Variants in MPRIP observed in about 807,000 individuals in gnomAD.
The protein encoded by MPRIP is myosin phosphatase Rho-interacting protein.
MPRIP carries 59 observed loss-of-function variants against 234.9 expected under a neutral mutation model. That is an observed-to-expected ratio of 0.25 (90% CI 0.20 to 0.31). The LOEUF (loss-of-function observed/expected upper bound fraction) is 0.31, where lower values mean the gene tolerates loss of function less well. Ranked by LOEUF, MPRIP falls within the 10% of genes least tolerant of loss-of-function variation. The pLI is 1.00. For synonymous variants in MPRIP, 1,144 were observed against 1,263.9 expected, an observed-to-expected ratio of 0.91 and a Z score of 2.01; for missense variants, 2,436 against 3,071.0, an observed-to-expected ratio of 0.79 and a Z score of 4.89.
At chr17:17,134,492 C>T (rs2090656320) in intron 5 of MPRIP, among the ~76,000 whole-genome samples, 1 of 152,198 alleles carries the variant, frequency 6.6e-6, no homozygotes, top group Non-Finnish European at 1.5e-5. Context: ...TGTTTGCTTC[C>T]GAGAAGCTGG....
At chr17:17,077,918 G>C (rs1400992260) in intron 2 of MPRIP, 93 bp from the exon 3 acceptor site, 2 of 1,244,602 alleles carry the variant, frequency 1.6e-6, no homozygotes, top group East Asian at 4.7e-5. Flanking sequence ...ACCTTCCTTA[G>C]ATATGGACTT....
At chr17:17,131,578 A>G in intron 4 of MPRIP, 39 bp from the exon 5 acceptor site, 1 of 1,584,566 alleles carries the variant, frequency 6.3e-7, no homozygotes, top group South Asian at 1.1e-5. Context: ...CCCGAGTGCC[A>G]GGGTCTTACC....
chr17:17,146,401 A>C (rs2045467051), intron 10 of MPRIP, among the ~76,000 whole-genome samples: 1 of 152,120 alleles, frequency 6.6e-6, no homozygotes, highest in Non-Finnish European at 1.5e-5. Context: ...ATCTTTCCTA[A>C]AAGTTGTTTA....
At position 17,164,097 on chromosome 17, in the gene MPRIP, G is replaced by A. The variant is rs2045928678; in HGVS notation, c.2518-12G>A. ...GAGTGTTACTAACCAGTATTTAATC[G>A]GTTTTTTTAAGACTGAAGTGGCCGC... On this transcript the variant is annotated splice_polypyrimidine_tract_variant and intron_variant, in intron 15 of 23. Transcript: ENST00000651222. 2.3e-6 allele frequency: 3 copies of A among 1,303,550 alleles called. No individual in the cohort carries two copies. Among genetic ancestry groups the A allele is most frequent in the Non-Finnish European group, 3.0e-6 (3 of 988,592 alleles). 80.7% of individuals were successfully genotyped at this position (1,303,550 alleles called of 1,614,324 possible).
At chr17:17,084,635 C>T (rs1024981829) in intron 3 of MPRIP, among the ~76,000 whole-genome samples, 7 of 152,202 alleles carry the variant, frequency 4.6e-5, no homozygotes, top group East Asian at 1.9e-4. Context: ...TCAGAGAGGC[C>T]GCTCCACCAG....
chr17:17,077,500 T>C (rs1050749709), intron 2 of MPRIP: 4 of 156,062 alleles, frequency 2.6e-5, no homozygotes, highest in African/African-American at 9.6e-5. Context: ...CAGTGAATTC[T>C]GGAGCCTGGC....
intron 12 of MPRIP, among the ~76,000 whole-genome samples, chr17:17,152,451 A>G (rs1170166475): frequency 6.6e-6 from 1 of 152,244 alleles, no homozygotes; most frequent in South Asian, 2.1e-4. Context: ...GGTAGGGCTT[A>G]TCCTGATGAC....
At chr17:17,070,554 G>A (rs1024428557) in intron 1 of MPRIP, among the ~76,000 whole-genome samples, 2 of 152,022 alleles carry the variant, frequency 1.3e-5, no homozygotes, top group East Asian at 1.9e-4. Context: ...AAGCCCACCC[G>A]GGAGCTTTTA....
intron 19 of MPRIP, among the ~76,000 whole-genome samples, chr17:17,174,343 T>C (rs2046209137): frequency 6.6e-6 from 1 of 152,250 alleles, no homozygotes; most frequent in Admixed American, 6.5e-5. Flanking sequence ...ACATCACTCT[T>C]GCTTTGACCC....
chr17:17,168,147 C>T (rs2046046130), intron 16 of MPRIP: 1 of 344,550 alleles, frequency 2.9e-6, no homozygotes, highest in Non-Finnish European at 5.6e-6. Context: ...CCGCCAGGGT[C>T]CCTGGTGGGA....
intron 16 of MPRIP, 105 bp downstream of exon 16, chr17:17,168,020 C>A: frequency 1.1e-6 from 1 of 897,596 alleles, no homozygotes; most frequent in Non-Finnish European, 1.5e-6. Flanking sequence ...AGGGGATATG[C>A]TGCTGTCCCT....
chr17:17,097,798 T>C (rs2089879451), intron 3 of MPRIP, among the ~76,000 whole-genome samples: 1 of 152,156 alleles, frequency 6.6e-6, no homozygotes, highest in Admixed American at 6.5e-5. Context: ...TTCCTTTCAA[T>C]TTTCCTTTCT....
At chr17:17,084,206 A>G (rs1367730483) in intron 3 of MPRIP, among the ~76,000 whole-genome samples, 6 of 152,224 alleles carry the variant, frequency 3.9e-5, no homozygotes, top group African/African-American at 9.6e-5. Flanking sequence ...ACACTAGGCC[A>G]TGGAAGGCCT....
intron 9 of MPRIP, among the ~76,000 whole-genome samples, chr17:17,144,326 G>T (rs958613704): frequency 5.3e-5 from 8 of 152,248 alleles, no homozygotes; most frequent in Non-Finnish European, 1.2e-4. Flanking sequence ...ACCACAGATT[G>T]ATGTGTAACA....
Position 17,078,187 on chromosome 17 carries a change from T to C in MPRIP, c.267+111T>C. 2 of 1,159,468 alleles carry C rather than the reference T, an allele frequency of 1.7e-6. No individual in the cohort carries two copies. The allele number at this position is 1,159,468 out of a possible 1,614,324, so 71.8% of individuals were successfully genotyped here. On this transcript the variant is annotated intron_variant, in intron 3 of 23. Coordinates refer to ENST00000651222, the MANE Select transcript of MPRIP (RefSeq NM_001364716.4). This position sits in a 1 kb window ranked among gnomAD's most constrained non-coding sequence, Gnocchi z 4.3. ...CAGCAGCCATGTGCTCCTGCTTGTG[T>C]CTGTTTGGGAGTGTGGAATGTTTTG...
In MPRIP at chr17:17,144,972, A is replaced by G. The variant is rs1053824443; in HGVS notation, c.1504-1064A>G. Among the ~76,000 whole-genome samples, 3 of 152,340 alleles carry G rather than the reference A, an allele frequency of 2.0e-5. No homozygotes were observed. In the South Asian group the frequency reaches 6.2e-4, roughly 32 times the overall value. ...CAAGCTTGCAGGAGAGGACCTCCCT[A>G]TTTAAGGGCTACTTGGGGTAGGGTG... is the stretch of plus-strand genomic sequence containing the variant. On this transcript the variant is annotated intron_variant, in intron 9 of 23. Transcript: ENST00000651222.
chr17:17,177,571 C>T (rs770361974), intron 22 of MPRIP, among the ~76,000 whole-genome samples, 159 bp downstream of exon 22: 1 of 152,210 alleles, frequency 6.6e-6, no homozygotes, highest in Admixed American at 6.5e-5. Flanking sequence ...CACACGGCTG[C>T]CCCAGACAGG....
At position 17,185,478 on chromosome 17, in the gene MPRIP, C is replaced by T. The variant is rs549748271; in HGVS notation, c.*584C>T. On this transcript the variant is annotated 3_prime_UTR_variant, in exon 24 of 24. Coordinates refer to ENST00000651222, the MANE Select transcript of MPRIP (RefSeq NM_001364716.4). ...AGCTTAGAACCACACCCCTGAGAGT[C>T]GTGGCAAACCTTTCACAACCTGGAA... is the stretch of plus-strand genomic sequence containing the variant. 17 of 457,190 alleles carry T rather than the reference C, an allele frequency of 3.7e-5. No homozygotes were observed. Among genetic ancestry groups the T allele is most frequent in the East Asian group, 2.1e-4 (3 of 14,402 alleles). The allele number at this position is 457,190 out of a possible 1,614,324, so 28.3% of individuals were successfully genotyped here. A position where few individuals can be genotyped will look rare whatever the true frequency, so the allele number is the denominator to read the frequency against.
At chr17:17,120,636 C>G (rs567653636) in intron 3 of MPRIP, among the ~76,000 whole-genome samples, 3 of 152,306 alleles carry the variant, frequency 2.0e-5, no homozygotes, top group Non-Finnish European at 4.4e-5. Context: ...TATGTGGGGG[C>G]TGAACCCATA....
Sources: gnomAD v4.1 joint callset for allele counts (sites outside exome capture counted in the v4.1 genomes callset) on GRCh38, gnomAD v4.1.1 for gene constraint, Gnocchi (gnomAD v3.1) non-coding constraint, MANE v1.5 for transcripts, NCBI Gene and HGNC (gene_info 2026-07-23, HGNC 2026-07-21) for gene names.